Variants in CEP112 observed in about 807,000 individuals in gnomAD.
The protein encoded by CEP112 is centrosomal protein of 112 kDa.
In CEP112, 127 loss-of-function variants were observed where a neutral mutation model predicts 153.0. The observed-to-expected ratio is 0.83, with a 90% CI of 0.72 to 0.96. The LOEUF is 0.96. CEP112 is among the 40% of genes least tolerant of loss of function. CEP112 has a pLI of 0.00. For missense variants in CEP112, 1,089 were observed against 1,101.2 expected (o/e 0.99, Z 0.16); for synonymous variants, 358 against 374.4 (o/e 0.96, Z 0.51).
intron 23 of CEP112, among the ~76,000 whole-genome samples, chr17:65,722,622 A>T (rs192726196): frequency 6.6e-6 from 1 of 152,342 alleles, no homozygotes; most frequent in African/African-American, 2.4e-5. Flanking sequence ...TGGAATTATG[A>T]TTTCAGCTGG....
intron 4 of CEP112, among the ~76,000 whole-genome samples, chr17:66,155,652 A>T (rs1467002815): frequency 6.6e-6 from 1 of 152,110 alleles, no homozygotes; most frequent in Non-Finnish European, 1.5e-5. Context: ...AACGGCTTGA[A>T]ATTCTCACTG....
intron 21 of CEP112, among the ~76,000 whole-genome samples, chr17:65,757,410 T>C (rs974230345): frequency 6.6e-6 from 1 of 152,076 alleles, no homozygotes; most frequent in African/African-American, 2.4e-5. Flanking sequence ...GAAAACATCT[T>C]TGGGAAATTT....
intron 19 of CEP112, among the ~76,000 whole-genome samples, chr17:65,914,209 T>G (rs1166230572): frequency 1.3e-5 from 2 of 151,232 alleles, no homozygotes; most frequent in African/African-American, 4.9e-5. Context: ...TCATTTTACT[T>G]TATGTGTTTC....
intron 21 of CEP112, among the ~76,000 whole-genome samples, chr17:65,781,446 A>G (rs1406076617): frequency 6.6e-6 from 1 of 152,166 alleles, no homozygotes; most frequent in Non-Finnish European, 1.5e-5. Flanking sequence ...TACAGATTCA[A>G]TGCTATTCCT....
chr17:65,641,165 T>C (rs1192733384), intron 24 of CEP112, 100 bp from the exon 25 acceptor site: 1 of 683,700 alleles, frequency 1.5e-6, no homozygotes, highest in Non-Finnish European at 2.6e-6. Context: ...AATGAAAGGT[T>C]TGTTACACGC....
At chr17:66,081,620 A>AC in intron 8 of CEP112, among the ~76,000 whole-genome samples, 2 of 151,980 alleles carry the variant, frequency 1.3e-5, no homozygotes, top group African/African-American at 4.8e-5. Flanking sequence ...CAGACAAAAA[A>AC]AAAAAAAGGC....
chr17:65,887,986 T>A (rs2059342281), intron 20 of CEP112, among the ~76,000 whole-genome samples: 1 of 152,096 alleles, frequency 6.6e-6, no homozygotes, highest in South Asian at 2.1e-4. Flanking sequence ...ACTTCCCTGT[T>A]TTTTTTCTTG....
intron 6 of CEP112, among the ~76,000 whole-genome samples, chr17:66,118,322 T>C (rs2069403530): frequency 1.3e-5 from 2 of 152,140 alleles, no homozygotes; most frequent in South Asian, 2.1e-4. Flanking sequence ...CATCAAAGGA[T>C]AAATGGATAA....
intron 24 of CEP112, among the ~76,000 whole-genome samples, chr17:65,684,983 G>C (rs962147605): frequency 1.3e-5 from 2 of 152,174 alleles, no homozygotes; most frequent in Non-Finnish European, 2.9e-5. Flanking sequence ...TTAAATTGCT[G>C]TTTATTGATT....
intron 21 of CEP112, among the ~76,000 whole-genome samples, chr17:65,808,882 A>G (rs563961781): frequency 7.2e-5 from 11 of 152,314 alleles, no homozygotes; most frequent in Admixed American, 7.2e-4. Flanking sequence ...TATAAAAATG[A>G]ACCAATACAA....
intron 23 of CEP112, among the ~76,000 whole-genome samples, chr17:65,736,120 A>C (rs1421022157): frequency 6.6e-6 from 1 of 152,140 alleles, no homozygotes; most frequent in Non-Finnish European, 1.5e-5. Flanking sequence ...GATGATGATG[A>C]TCTGACCTAG....
chr17:65,942,346 G>C (rs1278537824), intron 18 of CEP112, among the ~76,000 whole-genome samples: 6 of 152,124 alleles, frequency 3.9e-5, no homozygotes, highest in Non-Finnish European at 7.3e-5. Context: ...CAGAAAACTA[G>C]TACCTAGTAC....
At chr17:66,107,912 G>A (rs1340515871) in intron 6 of CEP112, among the ~76,000 whole-genome samples, 5 of 152,082 alleles carry the variant, frequency 3.3e-5, no homozygotes, top group Non-Finnish European at 5.9e-5. Flanking sequence ...CAAAGCTACA[G>A]TAACCAAAAC....
chr17:65,836,874 C>T (rs962568007), intron 21 of CEP112, among the ~76,000 whole-genome samples: 8 of 151,552 alleles, frequency 5.3e-5, no homozygotes, highest in Admixed American at 2.6e-4. Context: ...ACTGTACTGC[C>T]GCCATCTCGG....
At chr17:65,849,532 C>T (rs868072225) in intron 21 of CEP112, among the ~76,000 whole-genome samples, 3 of 152,122 alleles carry the variant, frequency 2.0e-5, no homozygotes, top group Non-Finnish European at 4.4e-5. Flanking sequence ...ATTAGCATCA[C>T]GTATAAACCT....
intron 17 of CEP112, among the ~76,000 whole-genome samples, chr17:65,971,579 T>A (rs1427641583): frequency 6.6e-6 from 1 of 152,142 alleles, no homozygotes; most frequent in East Asian, 1.9e-4. Context: ...GTATATGGCA[T>A]GTATATTACA....
chr17:66,049,621 C>A (rs1395888071), intron 12 of CEP112, among the ~76,000 whole-genome samples: 1 of 152,218 alleles, frequency 6.6e-6, no homozygotes, highest in African/African-American at 2.4e-5. Context: ...CATGGTGGCA[C>A]ACACCTGTAA....
intron 20 of CEP112, among the ~76,000 whole-genome samples, chr17:65,871,589 C>A (rs142369391): frequency 6.6e-6 from 1 of 152,142 alleles, no homozygotes; most frequent in East Asian, 1.9e-4. Context: ...GAGCCAAGAT[C>A]GCACCACTGC....
chr17:66,024,571 T>C (rs1017737856), intron 16 of CEP112, among the ~76,000 whole-genome samples: 6 of 151,372 alleles, frequency 4.0e-5, no homozygotes, highest in African/African-American at 1.5e-4. Flanking sequence ...ACAATAGTTA[T>C]AAAAAAAACC....
Sources: allele counts gnomAD v4.1 joint callset (sites outside exome capture counted in the v4.1 genomes callset), GRCh38; gene constraint gnomAD v4.1.1; transcripts MANE v1.5; gene names NCBI Gene and HGNC (gene_info 2026-07-23, HGNC 2026-07-21).